Variants in DHRS13 observed in about 807,000 individuals in gnomAD.
The protein encoded by DHRS13 is dehydrogenase/reductase SDR family member 13.
A neutral mutation model predicts 17.9 loss-of-function variants in DHRS13; 22 were observed. That is an observed-to-expected ratio of 1.23 (90% CI 0.88 to 1.75). The LOEUF (loss-of-function observed/expected upper bound fraction) is 1.75. DHRS13 is among the 40% of genes most tolerant of loss of function. DHRS13 has a pLI of 0.00. For synonymous variants in DHRS13, 206 were observed against 220.4 expected, an observed-to-expected ratio of 0.93 and a Z score of 0.58; for missense variants, 483 against 519.9, an observed-to-expected ratio of 0.93 and a Z score of 0.69.
In DHRS13 at chr17:28,899,811, G is replaced by C. The variant is rs1273290734; in HGVS notation, c.683-919C>G. Among the ~76,000 whole-genome samples, 1 of 152,212 alleles carries C rather than the reference G, an allele frequency of 6.6e-6. No individual in the cohort carries two copies. The highest frequency in any genetic ancestry group is 2.1e-4 in the South Asian group (1 of 4,834). On this transcript the variant is annotated intron_variant, in intron 4 of 4. Coordinates refer to ENST00000378895, the MANE Select transcript of DHRS13 (RefSeq NM_144683.4). The surrounding 1 kb of genome is among the most constrained non-coding windows in gnomAD (Gnocchi z 4.7). ...GCAACGTCCACCTCTAGGTTCAGGCGATTCTCCTGCCTCAGCCTCCTGAAT... is the reference window on the plus strand; with the variant it reads ...GCAACGTCCACCTCTAGGTTCAGGCCATTCTCCTGCCTCAGCCTCCTGAAT...
chr17:28,901,278 G>T lies in DHRS13; in HGVS notation c.394C>A (p.Arg132Ser). 1 of 1,610,652 alleles carries T rather than the reference G, an allele frequency of 6.2e-7. No homozygotes were observed. The highest frequency in any genetic ancestry group is 1.7e-5 in the Admixed American group (1 of 59,798). ...CGAAGCAGCAGGTTAAACGCCTCAC[G>T]GGTCCGGCCACAGGAACTGATACCT... ...NAGISSCGRT[R>S]EAFNLLLRVN... Residue 132 changes from arginine (R) to serine (S), a missense_variant, in exon 4 of 5, where the codon CGT becomes AGT. Physicochemically the swap from Arg to Ser is moderately radical, Grantham distance 110 (BLOSUM62 -1). Coordinates refer to ENST00000378895, the MANE Select transcript of DHRS13 (RefSeq NM_144683.4). This position sits in a 1 kb window ranked among gnomAD's most constrained non-coding sequence, Gnocchi z 4.3.
chr17:28,902,696 T>C lies in DHRS13; in HGVS notation c.133A>G (p.Asn45Asp), dbSNP rs945409842. The change falls in exon 2 of 5, where the codon AAC becomes GAC. Residue 45 changes from asparagine (N) to aspartate (D), a missense_variant. Transcript: ENST00000378895. This position sits in a 1 kb window ranked among gnomAD's most constrained non-coding sequence, Gnocchi z 4.0. ...GCCGTCATCTTTCCGATGCCGCTGT[T>C]GGCGCCTGCGGACCGCGGGCGGGAG... is the stretch of plus-strand genomic sequence containing the variant. ...RGRTAVVTGANSGIGKMTALE... is the reference protein window; with the variant it reads ...RGRTAVVTGADSGIGKMTALE... 1.5e-6 allele frequency: 2 copies of C among 1,369,414 alleles called. No homozygotes were observed. Among genetic ancestry groups the C allele is most frequent in the African/African-American group, 3.1e-5 (2 of 65,412 alleles). The allele number at this position is 1,369,414 out of a possible 1,614,324, so 84.8% of individuals were successfully genotyped here.
In DHRS13 at chr17:28,901,570, C is replaced by T; in HGVS notation, c.293G>A (p.Ser98Asn). The change falls in exon 3 of 5, where the codon AGT becomes AAT. Residue 98 changes from serine to asparagine, a missense_variant. Transcript: ENST00000378895. This position sits in a 1 kb window ranked among gnomAD's most constrained non-coding sequence, Gnocchi z 4.3. ...GGCAAAGGCCCGCACCGAGGCCAGA[C>T]TGGCCAAGTCCAAGGCCATGAAGAT... ...EVIFMALDLASLASVRAFATA... is the reference protein window; with the variant it reads ...EVIFMALDLANLASVRAFATA... 1 of 1,614,254 alleles carries T rather than the reference C, an allele frequency of 6.2e-7. No homozygotes were observed. Among genetic ancestry groups the T allele is most frequent in the East Asian group, 2.2e-5 (1 of 44,890 alleles).
In DHRS13 at chr17:28,901,472, G is replaced by A. The variant is rs865852660; in HGVS notation, c.370+21C>T. ...TGGCCACCCGCCACCCCACCCCCACGCAGGGCCTGCTGCCCCTCACCGGCA... is the reference window on the plus strand; with the variant it reads ...TGGCCACCCGCCACCCCACCCCCACACAGGGCCTGCTGCCCCTCACCGGCA... On this transcript the variant is annotated intron_variant, in intron 3 of 4. Transcript: ENST00000378895. The surrounding 1 kb of genome is among the most constrained non-coding windows in gnomAD (Gnocchi z 4.3). 18 of 1,612,930 alleles carry A rather than the reference G, an allele frequency of 1.1e-5. 1 individual carries two copies. In the Middle Eastern group the frequency reaches 5.3e-4, roughly 47 times the overall value.
At position 28,901,633 on chromosome 17, in the gene DHRS13, G is replaced by A. The variant is rs375009960; in HGVS notation, c.247-17C>T. On this transcript the variant is annotated splice_polypyrimidine_tract_variant and intron_variant, in intron 2 of 4. Coordinates refer to ENST00000378895, the MANE Select transcript of DHRS13 (RefSeq NM_144683.4). The surrounding 1 kb of genome is among the most constrained non-coding windows in gnomAD (Gnocchi z 4.3). ...CCCACTCTCCTGTGGAGAGGCAAGG[G>A]CTGGGCTTGTCACCAGGCATCTCTC... The A allele has an allele frequency of 2.5e-6, 4 of 1,612,948 alleles. No individual in the cohort carries two copies. In the South Asian group the frequency reaches 3.3e-5, roughly 13 times the overall value.
rs965417576 is a variant in DHRS13, at chr17:28,899,705, CACTT to C, written c.683-817_683-814del. 6.6e-6 allele frequency among the ~76,000 whole-genome samples: 1 copy of C among 152,090 alleles called. No homozygotes were observed. Among genetic ancestry groups the C allele is most frequent in the African/African-American group, 2.4e-5 (1 of 41,426 alleles). On this transcript the variant is annotated intron_variant, in intron 4 of 4. Coordinates refer to ENST00000378895, the MANE Select transcript of DHRS13 (RefSeq NM_144683.4). The surrounding 1 kb of genome is among the most constrained non-coding windows in gnomAD (Gnocchi z 4.7). ...AGGAACTTCTGCCTTAGGGCCTCTG[CACTT>C]ACTTTTTTCTGTTTTGGAGACAGAG...
Position 28,898,470 on chromosome 17 carries a change from T to C in DHRS13, c.1105A>G (p.Lys369Glu). 1 of 1,566,834 alleles carries C rather than the reference T, an allele frequency of 6.4e-7. No homozygotes were observed. The highest frequency in any genetic ancestry group is 8.7e-7 in the Non-Finnish European group (1 of 1,155,118). The change falls in exon 5 of 5, where the codon AAA becomes GAA. Residue 369 changes from lysine to glutamate, a missense_variant. Transcript: ENST00000378895. Reference sequence around the variant, plus strand: ...GAGAGCTGGATCTCAGGCTCAACTTTAGCCTGAATTCGGTGCGTCATCTTA... The same window carrying C: ...GAGAGCTGGATCTCAGGCTCAACTTCAGCCTGAATTCGGTGCGTCATCTTA... Reference protein sequence around the residue: ...LSKMTHRIQAKVEPEIQLS With the variant: ...LSKMTHRIQAEVEPEIQLS
chr17:28,897,784 G>C lies in DHRS13; in HGVS notation c.*657C>G, dbSNP rs986725835. On this transcript the variant is annotated 3_prime_UTR_variant, in exon 5 of 5. Transcript: ENST00000378895. The surrounding 1 kb of genome is among the most constrained non-coding windows in gnomAD (Gnocchi z 4.4). ...TTGAGGCAGGAGTGAGCGCAGCTTCGGCGGTCAACGCGCTTTATTCCGAGG... is the reference window on the plus strand; with the variant it reads ...TTGAGGCAGGAGTGAGCGCAGCTTCCGCGGTCAACGCGCTTTATTCCGAGG... The C allele has an allele frequency of 1.8e-5, 6 of 329,794 alleles. No individual in the cohort carries two copies. The Admixed American group carries it at 2.0e-4, about 11-fold the overall frequency. 20.4% of individuals were successfully genotyped at this position (329,794 alleles called of 1,614,324 possible). A position where few individuals can be genotyped will look rare whatever the true frequency, so the allele number is the denominator to read the frequency against.
chr17:28,900,000 A>C lies in DHRS13; in HGVS notation c.682+990T>G, dbSNP rs1598108708. Among the ~76,000 whole-genome samples the C allele has an allele frequency of 7.1e-6, 1 of 141,812 alleles. No homozygotes were observed. Among genetic ancestry groups the C allele is most frequent in the East Asian group, 2.0e-4 (1 of 4,956 alleles). The allele number at this position is 141,812 out of a possible 152,430, so 93.0% of individuals were successfully genotyped here. On this transcript the variant is annotated intron_variant, in intron 4 of 4. Coordinates refer to ENST00000378895, the MANE Select transcript of DHRS13 (RefSeq NM_144683.4). This position sits in a 1 kb window ranked among gnomAD's most constrained non-coding sequence, Gnocchi z 4.7. ...GTGATCACGGCTCACTGCAACCTCC[A>C]CCTCCCGGATTAAAGCGATTCTCCT... is the stretch of plus-strand genomic sequence containing the variant.
Position 28,903,037 on chromosome 17 carries a change from G to C in DHRS13, c.-93C>G. The C allele has an allele frequency of 8.9e-7, 1 of 1,122,538 alleles. No homozygotes were observed. The highest frequency in any genetic ancestry group is 1.1e-6 in the Non-Finnish European group (1 of 890,628). 69.5% of individuals were successfully genotyped at this position (1,122,538 alleles called of 1,614,324 possible). A position where few individuals can be genotyped will look rare whatever the true frequency, so the allele number is the denominator to read the frequency against. On this transcript the variant is annotated 5_prime_UTR_variant, in exon 1 of 5. Coordinates refer to ENST00000378895, the MANE Select transcript of DHRS13 (RefSeq NM_144683.4). The surrounding 1 kb of genome is among the most constrained non-coding windows in gnomAD (Gnocchi z 4.8). ...ATCCGCCCTGCACAGGCCTGGAACG[G>C]CGCCCGGGCGCGTCAGCCTCCGAAG...
Position 28,902,686 on chromosome 17 carries a change from A to C in DHRS13, c.143T>G (p.Ile48Ser). The change falls in exon 2 of 5, where the codon ATC becomes AGC. Residue 48 changes from isoleucine to serine, a missense_variant. Physicochemically the swap from Ile to Ser is moderately radical, Grantham distance 142. Transcript: ENST00000378895. The surrounding 1 kb of genome is among the most constrained non-coding windows in gnomAD (Gnocchi z 4.0). The stretch of plus-strand genomic sequence containing the variant: ...CAGCTCCAGCGCCGTCATCTTTCCG[A>C]TGCCGCTGTTGGCGCCTGCGGACCG... ...TAVVTGANSG[I>S]GKMTALELAR... The C allele has an allele frequency of 2.2e-6, 3 of 1,386,052 alleles. No individual in the cohort carries two copies. The highest frequency in any genetic ancestry group is 2.8e-6 in the Non-Finnish European group (3 of 1,076,532). 85.9% of individuals were successfully genotyped at this position (1,386,052 alleles called of 1,614,324 possible). A position where few individuals can be genotyped will look rare whatever the true frequency, so the allele number is the denominator to read the frequency against.
chr17:28,902,534 C>T lies in DHRS13; in HGVS notation c.246+49G>A. On this transcript the variant is annotated intron_variant, in intron 2 of 4. Transcript: ENST00000378895. The surrounding 1 kb of genome is among the most constrained non-coding windows in gnomAD (Gnocchi z 4.0). ...AGCCCCTTTGCTGGCTTCTCTGTGT[C>T]CCGGCGGGTTCTCGGCTCACCGTCC... 1 of 1,434,544 alleles carries T rather than the reference C, an allele frequency of 7.0e-7. No individual in the cohort carries two copies. The highest frequency in any genetic ancestry group is 3.0e-5 in the East Asian group (1 of 33,036). The allele number at this position is 1,434,544 out of a possible 1,614,324, so 88.9% of individuals were successfully genotyped here. A position where few individuals can be genotyped will look rare whatever the true frequency, so the allele number is the denominator to read the frequency against.
At position 28,902,805 on chromosome 17, in the gene DHRS13, CCTCCGCACTCACCCGT is replaced by C; in HGVS notation, c.124_127+12del. 6.5e-7 allele frequency: 1 copy of C among 1,527,326 alleles called. No individual in the cohort carries two copies. Among genetic ancestry groups the C allele is most frequent in the Middle Eastern group, 1.7e-4 (1 of 5,814 alleles). 94.6% of individuals were successfully genotyped at this position (1,527,326 alleles called of 1,614,324 possible). On this transcript the variant is annotated splice_donor_variant and splice_donor_5th_base_variant and coding_sequence_variant and intron_variant, in exon 1 of 5. Transcript: ENST00000378895. LOFTEE classifies it high-confidence loss of function. This position sits in a 1 kb window ranked among gnomAD's most constrained non-coding sequence, Gnocchi z 4.0. ...CGCCCCGCCAGCTCGCACTCACCCGCCTCCGCACTCACCCGTGACCACGGCCGTGCGGCCCCGCAGG... is the reference window on the plus strand; with the variant it reads ...CGCCCCGCCAGCTCGCACTCACCCGCGACCACGGCCGTGCGGCCCCGCAGG...
Position 28,901,277 on chromosome 17 carries a change from C to G in DHRS13, c.395G>C (p.Arg132Pro). The G allele has an allele frequency of 6.2e-7, 1 of 1,610,398 alleles. No homozygotes were observed. Among genetic ancestry groups the G allele is most frequent in the South Asian group, 1.1e-5 (1 of 90,754 alleles). Reference protein sequence around the residue: ...NAGISSCGRTREAFNLLLRVN... With the variant: ...NAGISSCGRTPEAFNLLLRVN... ...CCGAAGCAGCAGGTTAAACGCCTCA[C>G]GGGTCCGGCCACAGGAACTGATACC... Residue 132 changes from arginine (R) to proline (P), a missense_variant, in exon 4 of 5, where the codon CGT becomes CCT. Transcript: ENST00000378895. The surrounding 1 kb of genome is among the most constrained non-coding windows in gnomAD (Gnocchi z 4.3).
chr17:28,898,893 CTG>C lies in DHRS13; in HGVS notation c.683-3_683-2del. On this transcript the variant is annotated splice_acceptor_variant and splice_polypyrimidine_tract_variant and intron_variant, in intron 4 of 4. Transcript: ENST00000378895. LOFTEE classifies it high-confidence loss of function. Reference sequence around the variant, plus strand: ...AGGAACAGCTCCGAGTTCACAGGCCCTGTAGGCAGGAAGAAAGAAAGGAGTCG... The same window carrying C: ...AGGAACAGCTCCGAGTTCACAGGCCCTAGGCAGGAAGAAAGAAAGGAGTCG... The C allele has an allele frequency of 6.4e-7, 1 of 1,569,326 alleles. No homozygotes were observed. Among genetic ancestry groups the C allele is most frequent in the Non-Finnish European group, 8.6e-7 (1 of 1,158,712 alleles).
Position 28,902,879 on chromosome 17 carries a change from C to T in DHRS13, c.66G>A (p.Leu22=), listed in dbSNP as rs766430746. ...LGAYVLVYYN[L]VKAPPCGGMG... ...TGCCGCCGCACGGCGGGGCCTTCAC[C>T]AGGTTGTAGTAGACAAGCACGTAAG... Residue 22 remains leucine (L), a synonymous_variant, in exon 1 of 5, where the codon CTG becomes CTA. Coordinates refer to ENST00000378895, the MANE Select transcript of DHRS13 (RefSeq NM_144683.4). The surrounding 1 kb of genome is among the most constrained non-coding windows in gnomAD (Gnocchi z 4.0). 4.8e-5 allele frequency: 74 copies of T among 1,556,164 alleles called. No individual in the cohort carries two copies. Among genetic ancestry groups the T allele is most frequent in the Non-Finnish European group, 6.0e-5 (70 of 1,159,508 alleles).
rs2152652252 is a variant in DHRS13, at chr17:28,899,134, T to C, written c.683-242A>G. ...AACCAGGATAGTATTTACCAGGCAT[T>C]CGGGGCTTCTGCGAGGTGACTTCAC... On this transcript the variant is annotated intron_variant, in intron 4 of 4. Coordinates refer to ENST00000378895, the MANE Select transcript of DHRS13 (RefSeq NM_144683.4). The surrounding 1 kb of genome is among the most constrained non-coding windows in gnomAD (Gnocchi z 4.7). 4.6e-6 allele frequency: 2 copies of C among 434,640 alleles called. No homozygotes were observed. Among genetic ancestry groups the C allele is most frequent in the Non-Finnish European group, 4.0e-6 (1 of 246,922 alleles). The allele number at this position is 434,640 out of a possible 1,614,324, so 26.9% of individuals were successfully genotyped here. A position where few individuals can be genotyped will look rare whatever the true frequency, so the allele number is the denominator to read the frequency against.
chr17:28,898,971 G>A, intron 4 of DHRS13, 79 bp from the exon 5 acceptor site: 3 of 1,398,692 alleles, frequency 2.1e-6, no homozygotes, highest in Non-Finnish European at 2.9e-6. Context: ...GGGAGGCGGA[G>A]CAGGAGGATC....
Position 28,902,723 on chromosome 17 carries a change from CGAGCT to C in DHRS13, c.128-27_128-23del. On this transcript the variant is annotated intron_variant, in intron 1 of 4. Transcript: ENST00000378895. The surrounding 1 kb of genome is among the most constrained non-coding windows in gnomAD (Gnocchi z 4.0). ...GCGCCTGCGGACCGCGGGCGGGAGC[CGAGCT>C]GAGCTGAGCCCGGCGGGCCGCTGCT... 7.4e-7 allele frequency: 1 copy of C among 1,351,964 alleles called. No homozygotes were observed. Among genetic ancestry groups the C allele is most frequent in the South Asian group, 1.8e-5 (1 of 55,332 alleles). 83.7% of individuals were successfully genotyped at this position (1,351,964 alleles called of 1,614,324 possible). A position where few individuals can be genotyped will look rare whatever the true frequency, so the allele number is the denominator to read the frequency against.
Sources: allele counts gnomAD v4.1 joint callset (sites outside exome capture counted in the v4.1 genomes callset), GRCh38; gene constraint gnomAD v4.1.1; non-coding constraint Gnocchi (gnomAD v3.1); transcripts MANE v1.5; gene names NCBI Gene and HGNC (gene_info 2026-07-23, HGNC 2026-07-21).